Variants in RBFOX1 observed in about 807,000 individuals in gnomAD.
RBFOX1 encodes RNA binding protein fox-1 homolog 1.
RBFOX1 carries 8 observed loss-of-function variants against 57.7 expected under a neutral mutation model. The observed-to-expected ratio is 0.14, with a 90% CI of 0.08 to 0.25. The LOEUF (loss-of-function observed/expected upper bound fraction) is 0.25, where lower values mean the gene tolerates loss of function less well. RBFOX1 is among the 10% of genes least tolerant of loss of function. The pLI is 1.00. For missense variants in RBFOX1, 611 were observed against 548.5 expected, an observed-to-expected ratio of 1.11 and a Z score of -1.14; for synonymous variants, 326 against 222.4, an observed-to-expected ratio of 1.47 and a Z score of -4.15.
chr16:6,387,914 T>C (rs73532352), intron 2 of RBFOX1, among the ~76,000 whole-genome samples: 1 of 151,768 alleles, frequency 6.6e-6, no homozygotes, highest in Admixed American at 6.6e-5. Context: ...CCAGTCACTA[T>C]GACTGTTGAA....
intron 1 of RBFOX1, among the ~76,000 whole-genome samples, chr16:5,458,592 G>C (rs150899745): frequency 2.0e-5 from 3 of 152,230 alleles, no homozygotes. Flanking sequence ...TCACAGCCTA[G>C]ACTGGGCCAT....
At position 5,913,421 on chromosome 16, in the gene RBFOX1, G is replaced by T. The variant is rs377641525; in HGVS notation, c.351+46086G>T. On this transcript the variant is annotated intron_variant, in intron 4 of 19. Coordinates refer to the RBFOX1 transcript ENST00000641259. ...GGGGCAGTTGCCTCATGAATGGCTT[G>T]GTACCTTCCCCACAGTAATGAGCTC... Among the ~76,000 whole-genome samples, 19 of 152,278 alleles carry T rather than the reference G, an allele frequency of 1.2e-4. No individual in the cohort carries two copies. The East Asian group carries it at 1.4e-3, about 11-fold the overall frequency.
intron 1 of RBFOX1, among the ~76,000 whole-genome samples, chr16:5,341,443 A>G (rs1207207930): frequency 3.3e-5 from 5 of 152,104 alleles, no homozygotes; most frequent in Non-Finnish European, 7.4e-5. Flanking sequence ...ATGGAGTTGG[A>G]AAAAAGTGAT....
intron 2 of RBFOX1, among the ~76,000 whole-genome samples, chr16:6,480,660 G>A (rs573952636): frequency 2.0e-4 from 30 of 152,092 alleles, no homozygotes; most frequent in African/African-American, 5.8e-4. Context: ...ATATATCTAC[G>A]GAAAACCTAT....
intron 2 of RBFOX1, among the ~76,000 whole-genome samples, chr16:6,591,841 A>C (rs141348866): frequency 6.6e-6 from 1 of 152,132 alleles, no homozygotes; most frequent in African/African-American, 2.4e-5. Context: ...CGTCTTTTAC[A>C]TGAAGGAACC....
At chr16:7,684,572 A>G (rs1227041325) in intron 14 of RBFOX1, among the ~76,000 whole-genome samples, 1 of 152,028 alleles carries the variant, frequency 6.6e-6, no homozygotes, top group Non-Finnish European at 1.5e-5. Flanking sequence ...TGCCACACAT[A>G]TGATAAGCTA....
chr16:5,886,019 T>C (rs545308939), intron 4 of RBFOX1, among the ~76,000 whole-genome samples: 1 of 152,118 alleles, frequency 6.6e-6, no homozygotes, highest in Non-Finnish European at 1.5e-5. Flanking sequence ...TGTTTAAACG[T>C]GGGTAACACC....
chr16:7,636,294 A>G (rs1319003887), intron 11 of RBFOX1, among the ~76,000 whole-genome samples: 2 of 152,222 alleles, frequency 1.3e-5, no homozygotes, highest in African/African-American at 4.8e-5. Flanking sequence ...GTGAAAAATA[A>G]CATCTCAATT....
intron 2 of RBFOX1, among the ~76,000 whole-genome samples, chr16:6,380,229 C>G (rs1272144701): frequency 1.3e-5 from 2 of 151,926 alleles, no homozygotes; most frequent in African/African-American, 4.8e-5. Context: ...TGGGTGCCTT[C>G]TGTGCTCCAA....
intron 1 of RBFOX1, among the ~76,000 whole-genome samples, chr16:5,415,335 C>T (rs1286528811): frequency 6.6e-6 from 1 of 152,162 alleles, no homozygotes; most frequent in East Asian, 1.9e-4. Context: ...GGTGAGAACT[C>T]CCTTGCTATC....
intron 4 of RBFOX1, among the ~76,000 whole-genome samples, chr16:7,346,884 C>G (rs2097020311): frequency 1.3e-5 from 2 of 152,042 alleles, no homozygotes; most frequent in South Asian, 2.1e-4. Flanking sequence ...GAACAGAACT[C>G]AATCCTGTCT....
intron 1 of RBFOX1, among the ~76,000 whole-genome samples, chr16:5,394,903 A>C (rs988318479): frequency 6.6e-6 from 1 of 151,990 alleles, no homozygotes; most frequent in Non-Finnish European, 1.5e-5. Context: ...CTAGGACTGA[A>C]GTGGTAACAT....
intron 3 of RBFOX1, among the ~76,000 whole-genome samples, chr16:6,796,218 C>G (rs956545688): frequency 3.9e-5 from 6 of 152,072 alleles, no homozygotes; most frequent in Non-Finnish European, 1.5e-5. Context: ...TCTGAAGAGA[C>G]TTATTCACTA....
chr16:5,410,782 A>AT (rs2066999700), intron 1 of RBFOX1, among the ~76,000 whole-genome samples: 1 of 84,570 alleles, frequency 1.2e-5, no homozygotes, highest in Non-Finnish European at 2.4e-5. Context: ...CTCCTTTCTG[A>AT]CTTTAAAATT....
chr16:6,367,040 T>G (rs1282037962), intron 2 of RBFOX1, among the ~76,000 whole-genome samples: 1 of 152,226 alleles, frequency 6.6e-6, no homozygotes, highest in African/African-American at 2.4e-5. Flanking sequence ...CACACTATTT[T>G]CTTCCTCATC....
chr16:7,710,882 T>G lies in RBFOX1; in HGVS notation c.*137T>G, dbSNP rs881562. ...AATACAAATAAAAAGGAAAAAAAAT[T>G]ACATTTTTTATCTTATACCTCAGAT... is the stretch of plus-strand genomic sequence containing the variant. On this transcript the variant is annotated 3_prime_UTR_variant, in exon 16 of 16. Coordinates refer to ENST00000550418, the MANE Select transcript of RBFOX1 (RefSeq NM_018723.4). The G allele has an allele frequency of 0.48, 448,395 of 926,860 alleles. 112,179 individuals carry two copies. Among genetic ancestry groups the G allele is most frequent in the East Asian group, 0.69 (20,982 of 30,382 alleles). 57.4% of individuals were successfully genotyped at this position (926,860 alleles called of 1,614,324 possible). A position where few individuals can be genotyped will look rare whatever the true frequency, so the allele number is the denominator to read the frequency against.
chr16:5,775,753 G>A (rs1379583381), intron 3 of RBFOX1, among the ~76,000 whole-genome samples: 1 of 152,244 alleles, frequency 6.6e-6, no homozygotes, highest in Non-Finnish European at 1.5e-5. Context: ...ATGCTGCAAT[G>A]TCCACTAACG....
Position 7,548,641 on chromosome 16 carries a change from GCAGT to G in RBFOX1, c.270+30255_270+30258del, listed in dbSNP as rs1280254939. 3.9e-5 allele frequency among the ~76,000 whole-genome samples: 6 copies of G among 152,294 alleles called. No individual in the cohort carries two copies. In the East Asian group the frequency reaches 9.6e-4, roughly 24 times the overall value. ...GATGCTCTGGGGCAGGAGCGGGGGG[GCAGT>G]CAAACAAGTCCAAAGCTTCTCGCCT... is the stretch of plus-strand genomic sequence containing the variant. On this transcript the variant is annotated intron_variant, in intron 5 of 15. Transcript: ENST00000550418.
chr16:6,828,456 A>G (rs1291522310), intron 3 of RBFOX1, among the ~76,000 whole-genome samples: 3 of 151,968 alleles, frequency 2.0e-5, no homozygotes, highest in Non-Finnish European at 4.4e-5. Context: ...CCCAGGAGGA[A>G]GAGGTTGCAG....
Sources: gnomAD v4.1 joint callset for allele counts (sites outside exome capture counted in the v4.1 genomes callset) on GRCh38, gnomAD v4.1.1 for gene constraint, MANE v1.5 for transcripts, NCBI Gene and HGNC (gene_info 2026-07-23, HGNC 2026-07-21) for gene names.